Variants in UBA2 observed in about 807,000 individuals in gnomAD.
UBA2 encodes SUMO-activating enzyme subunit 2.
UBA2 carries 11 observed loss-of-function variants against 77.2 expected under a neutral mutation model. That is an observed-to-expected ratio of 0.14 (90% CI 0.09 to 0.24). The LOEUF (loss-of-function observed/expected upper bound fraction) is 0.24. Among genes scored for constraint, UBA2 ranks in the 10% least tolerant of loss-of-function variants. The pLI is 1.00. For synonymous variants in UBA2, 278 were observed against 276.7 expected, an observed-to-expected ratio of 1.00 and a Z score of -0.05; for missense variants, 487 against 781.7, an observed-to-expected ratio of 0.62 and a Z score of 4.50.
chr19:34,435,334 G>A (rs924458689), intron 5 of UBA2, among the ~76,000 whole-genome samples: 3 of 152,124 alleles, frequency 2.0e-5, no homozygotes, highest in African/African-American at 4.8e-5. Context: ...AGAGGCAGAG[G>A]TTGCAGTAAG....
At chr19:34,451,621 C>T (rs1422956271) in intron 9 of UBA2, among the ~76,000 whole-genome samples, 3 of 133,376 alleles carry the variant, frequency 2.2e-5, no homozygotes, top group Admixed American at 9.1e-5. Flanking sequence ...GATCTTGGCT[C>T]ACTGCAAGCT....
chr19:34,458,987 A>G (rs80198704), intron 13 of UBA2, 63 bp downstream of exon 13: 1 of 1,462,150 alleles, frequency 6.8e-7, no homozygotes, highest in Non-Finnish European at 9.2e-7. Flanking sequence ...ATGACAAACA[A>G]ACACTAGCTG....
rs552278665 is a variant in UBA2 at position 34,451,965 on chromosome 19, A to T, written c.872-16A>T. ...TTAATTAGTGAAATTTCTAATATATATATTTTTTTCTTTAGGAGAAGAAAC... is the reference window on the plus strand; with the variant it reads ...TTAATTAGTGAAATTTCTAATATATTTATTTTTTTCTTTAGGAGAAGAAAC... On this transcript the variant is annotated splice_polypyrimidine_tract_variant and intron_variant, in intron 9 of 16. Transcript: ENST00000246548. 5 of 1,380,312 alleles carry T rather than the reference A, an allele frequency of 3.6e-6. No individual in the cohort carries two copies. The highest frequency in any genetic ancestry group is 2.9e-5 in the South Asian group (2 of 68,756). 85.5% of individuals were successfully genotyped at this position (1,380,312 alleles called of 1,614,324 possible).
intron 1 of UBA2, 142 bp downstream of exon 1, chr19:34,428,712 C>T: frequency 8.6e-7 from 1 of 1,164,366 alleles, no homozygotes; most frequent in Non-Finnish European, 1.1e-6. Flanking sequence ...CTGAGAGGCT[C>T]GGGTTGTGCC....
intron 9 of UBA2, 30 bp from the exon 10 acceptor site, chr19:34,451,951 A>C: frequency 7.3e-7 from 1 of 1,368,628 alleles, no homozygotes; most frequent in Non-Finnish European, 9.9e-7. Context: ...TAATTAGTGA[A>C]ATTTCTAATA....
At chr19:34,448,997 T>C (rs559832751) in intron 8 of UBA2, among the ~76,000 whole-genome samples, 37 of 152,164 alleles carry the variant, frequency 2.4e-4, no homozygotes, top group African/African-American at 7.0e-4. Context: ...TCTCCTTGCC[T>C]TTGTACCCAT....
At chr19:34,443,364 C>A (rs983779589) in intron 6 of UBA2, among the ~76,000 whole-genome samples, 2 of 151,668 alleles carry the variant, frequency 1.3e-5, no homozygotes, top group African/African-American at 4.8e-5. Context: ...GCTTACATTG[C>A]TGTTGAAATT....
Position 34,469,307 on chromosome 19 carries a change from A to G in UBA2, c.*86A>G. Reference sequence around the variant, plus strand: ...GTTATGTCCTTTGTTCCAAAGGGAAAAAATTGACAGCAGTGACTTGAAAAT... The same window carrying G: ...GTTATGTCCTTTGTTCCAAAGGGAAGAAATTGACAGCAGTGACTTGAAAAT... On this transcript the variant is annotated 3_prime_UTR_variant, in exon 17 of 17. Transcript: ENST00000246548. 7.8e-7 allele frequency: 1 copy of G among 1,283,502 alleles called. No homozygotes were observed. The highest frequency in any genetic ancestry group is 1.0e-6 in the Non-Finnish European group (1 of 976,696). The allele number at this position is 1,283,502 out of a possible 1,614,324, so 79.5% of individuals were successfully genotyped here.
At chr19:34,429,054 C>G (rs2145482178) in intron 1 of UBA2, 8 of 985,302 alleles carry the variant, frequency 8.1e-6, no homozygotes, top group East Asian at 1.1e-4. Flanking sequence ...ACACGGAACG[C>G]GCACCATCTT....
At chr19:34,432,145 A>T (rs2075263078) in intron 3 of UBA2, 2 of 350,886 alleles carry the variant, frequency 5.7e-6, no homozygotes, top group African/African-American at 2.1e-5. Context: ...CTTTTAATAA[A>T]TAAGTTACTT....
chr19:34,429,292 G>A (rs2075224892), intron 1 of UBA2: 6 of 971,372 alleles, frequency 6.2e-6, no homozygotes, highest in African/African-American at 1.8e-5. Flanking sequence ...TGACAAGCCA[G>A]TGCTATTTTG....
At chr19:34,460,441 A>G (rs2075618285) in intron 13 of UBA2, 29 bp from the exon 14 acceptor site, 1 of 1,384,488 alleles carries the variant, frequency 7.2e-7, no homozygotes, top group African/African-American at 1.5e-5. Context: ...CTACGTTAAT[A>G]TTTTGAATCC....
intron 8 of UBA2, among the ~76,000 whole-genome samples, chr19:34,449,186 C>T (rs868242706): frequency 6.7e-6 from 1 of 150,032 alleles, no homozygotes; most frequent in Middle Eastern, 3.4e-3. Flanking sequence ...TCTCCTGCCT[C>T]AGCCTCCCGA....
At position 34,452,096 on chromosome 19, in the gene UBA2, G is replaced by T; in HGVS notation, c.987G>T (p.Leu329Phe). 1 of 1,610,050 alleles carries T rather than the reference G, an allele frequency of 6.2e-7. No homozygotes were observed. Among genetic ancestry groups the T allele is most frequent in the Non-Finnish European group, 8.5e-7 (1 of 1,177,148 alleles). ...ARLFSKSIET[L>F]RVHLAEKGDG... ...TTTTTTCAAAGAGCATCGAGACTTT[G>T]AGAGTTCATTTAGCAGAAAAGGGGG... The change falls in exon 10 of 17, where the codon TTG becomes TTT. Residue 329 changes from leucine (L) to phenylalanine (F), a missense_variant. Around this residue, in one of 9 missense-constraint regions of UBA2, gnomAD observed 300 missense variants for 454.3 expected, o/e 0.66. Coordinates refer to ENST00000246548, the MANE Select transcript of UBA2 (RefSeq NM_005499.3).
chr19:34,450,234 G>A (rs745756264), intron 8 of UBA2, 31 bp from the exon 9 acceptor site: 75 of 1,467,994 alleles, frequency 5.1e-5, no homozygotes, highest in Non-Finnish European at 6.6e-5. Flanking sequence ...AGGGATTATG[G>A]GGTTCATGGG....
chr19:34,430,460 C>T (rs532901592), intron 1 of UBA2, 116 bp from the exon 2 acceptor site: 1 of 608,362 alleles, frequency 1.6e-6, no homozygotes, highest in Non-Finnish European at 2.8e-6. Context: ...TCGAAAAACG[C>T]TTTCTCCACT....
At chr19:34,436,330 G>A (rs867383263) in intron 5 of UBA2, among the ~76,000 whole-genome samples, 19 of 151,792 alleles carry the variant, frequency 1.3e-4, no homozygotes, top group South Asian at 2.1e-4. Flanking sequence ...ACAGAATTTC[G>A]CTCTTGTTGC....
At chr19:34,435,099 T>TAAAACTTA (rs1336583048) in intron 5 of UBA2, 131 bp downstream of exon 5, 12 of 664,170 alleles carry the variant, frequency 1.8e-5, no homozygotes, top group African/African-American at 1.3e-4. Flanking sequence ...TATGCTTATA[T>TAAAACTTA]AAAACTTAAA....
At chr19:34,461,665 C>T (rs943513128) in intron 14 of UBA2, among the ~76,000 whole-genome samples, 2 of 152,128 alleles carry the variant, frequency 1.3e-5, no homozygotes, top group Admixed American at 1.3e-4. Context: ...CAGCACTTAC[C>T]AGAATATGTG....
Sources: allele counts gnomAD v4.1 joint callset (sites outside exome capture counted in the v4.1 genomes callset), GRCh38; gene constraint gnomAD v4.1.1; regional missense constraint gnomAD v4.1.1; transcripts MANE v1.5; gene names NCBI Gene and HGNC (gene_info 2026-07-23, HGNC 2026-07-21).